The following CHST8 variants were observed in gnomAD, a reference collection of about 807,000 sequenced individuals.
The protein encoded by CHST8 is carbohydrate sulfotransferase 8.
In CHST8, 10 loss-of-function variants were observed where a neutral mutation model predicts 15.0. The observed-to-expected ratio is 0.67, with a 90% CI of 0.41 to 1.13. The LOEUF is 1.13. Among genes scored for constraint, CHST8 ranks in the 50% most tolerant of loss-of-function variants. The pLI is 0.00. For synonymous variants in CHST8, 259 were observed against 256.6 expected (o/e 1.01, Z -0.09); for missense variants, 634 against 608.2 (o/e 1.04, Z -0.45).
chr19:33,632,256 C>T (rs1376197464), intron 1 of CHST8, among the ~76,000 whole-genome samples: 5 of 152,062 alleles, frequency 3.3e-5, no homozygotes, highest in Non-Finnish European at 5.9e-5. Context: ...CCTCCCAGCT[C>T]AGCCTCCCGA....
chr19:33,673,083 G>A (rs373312030), intron 2 of CHST8, among the ~76,000 whole-genome samples: 195 of 152,318 alleles, frequency 1.3e-3, no homozygotes, highest in African/African-American at 4.4e-3. Context: ...GAGTCCAGAT[G>A]TGGAACCTCT....
At chr19:33,693,335 A>G (rs554010694) in intron 3 of CHST8, among the ~76,000 whole-genome samples, 6 of 152,298 alleles carry the variant, frequency 3.9e-5, no homozygotes, top group African/African-American at 1.4e-4. Flanking sequence ...TATATTTCTC[A>G]GTTTAAAAGA....
intron 3 of CHST8, among the ~76,000 whole-genome samples, chr19:33,748,976 GCA>G (rs776621231): frequency 7.9e-5 from 12 of 152,266 alleles, no homozygotes; most frequent in Non-Finnish European, 1.6e-4. Context: ...CCCAACAGGC[GCA>G]CACCCCTGAG....
At chr19:33,764,405 C>T (rs166955) in intron 3 of CHST8, among the ~76,000 whole-genome samples, 55,477 of 152,028 alleles carry the variant, frequency 0.36, 11,920 homozygotes, top group African/African-American at 0.6. Context: ...GAGGCCAAAG[C>T]GGGAGGATCA....
chr19:33,710,986 T>G (rs1231346981), intron 3 of CHST8, among the ~76,000 whole-genome samples: 1 of 150,610 alleles, frequency 6.6e-6, no homozygotes. Context: ...CGATCCTCCC[T>G]CAGCCCCCCA....
intron 3 of CHST8, among the ~76,000 whole-genome samples, chr19:33,760,592 TA>T (rs1202144262): frequency 1.3e-5 from 2 of 151,968 alleles, no homozygotes; most frequent in East Asian, 1.9e-4. Context: ...GCACTGGGAT[TA>T]AAGGTGTAAA....
intron 1 of CHST8, among the ~76,000 whole-genome samples, chr19:33,642,039 G>A (rs986325693): frequency 6.6e-6 from 1 of 152,242 alleles, no homozygotes; most frequent in Admixed American, 6.5e-5. Flanking sequence ...TGGAGGATGA[G>A]GGCCTGGGGC....
chr19:33,626,041 G>A (rs1165156402), intron 1 of CHST8, among the ~76,000 whole-genome samples: 2 of 152,068 alleles, frequency 1.3e-5, no homozygotes, highest in Admixed American at 6.6e-5. Context: ...CAGAGCGGCT[G>A]TGTTCCCTCC....
intron 1 of CHST8, among the ~76,000 whole-genome samples, chr19:33,658,770 T>G (rs1169627804): frequency 6.6e-6 from 1 of 152,204 alleles, no homozygotes; most frequent in African/African-American, 2.4e-5. Context: ...TACATTTTTC[T>G]GGAACATTCT....
At chr19:33,737,098 C>T (rs1231134796) in intron 3 of CHST8, among the ~76,000 whole-genome samples, 1 of 152,222 alleles carries the variant, frequency 6.6e-6, no homozygotes, top group Non-Finnish European at 1.5e-5. Context: ...GAGGGACCCT[C>T]AGTTCCAGGA....
At chr19:33,695,051 G>C (rs1973185271) in intron 3 of CHST8, among the ~76,000 whole-genome samples, 1 of 151,922 alleles carries the variant, frequency 6.6e-6, no homozygotes, top group Admixed American at 6.6e-5. Context: ...GACCTCCTGG[G>C]CTCGAGTGAT....
intron 3 of CHST8, among the ~76,000 whole-genome samples, chr19:33,746,309 T>C (rs1974312228): frequency 6.6e-6 from 1 of 152,112 alleles, no homozygotes; most frequent in Admixed American, 6.6e-5. Flanking sequence ...CGTGAAACAT[T>C]TCCCCCACCC....
intron 3 of CHST8, among the ~76,000 whole-genome samples, chr19:33,729,493 C>T (rs34586740): frequency 0.068 from 10,294 of 152,302 alleles, 494 homozygotes; most frequent in Middle Eastern, 0.14. Context: ...ATGTGTTAGA[C>T]GCTAGCCTCC....
At chr19:33,700,849 C>T (rs1395076906) in intron 3 of CHST8, among the ~76,000 whole-genome samples, 2 of 152,174 alleles carry the variant, frequency 1.3e-5, no homozygotes, top group African/African-American at 4.8e-5. Context: ...GTATGGTTCA[C>T]ATAGATTGCA....
At chr19:33,751,047 G>A (rs1003011581) in intron 3 of CHST8, among the ~76,000 whole-genome samples, 1 of 152,184 alleles carries the variant, frequency 6.6e-6, no homozygotes, top group African/African-American at 2.4e-5. Flanking sequence ...TTTCCTCTTG[G>A]AGTTGGTTTT....
intron 3 of CHST8, among the ~76,000 whole-genome samples, chr19:33,717,243 C>T (rs527534470): frequency 6.6e-6 from 1 of 152,248 alleles, no homozygotes; most frequent in East Asian, 1.9e-4. Flanking sequence ...GGCAGATCAC[C>T]TGAGGTTGGG....
intron 3 of CHST8, among the ~76,000 whole-genome samples, chr19:33,757,428 A>G (rs1441410981): frequency 0.083 from 1,381 of 16,734 alleles, 56 homozygotes; most frequent in Admixed American, 0.097. Flanking sequence ...GAAAGAAAGA[A>G]AGAAAGAAAG....
chr19:33,752,594 G>A lies in CHST8; in HGVS notation c.131-18819G>A, dbSNP rs150066967. Among the ~76,000 whole-genome samples the A allele has an allele frequency of 3.6e-3, 551 of 152,200 alleles. 1 individual carries two copies. Among genetic ancestry groups the A allele is most frequent in the Admixed American group, 7.9e-3 (121 of 15,288 alleles). ...AGTTCCCCGGGGAGTCGCAGAAGTC[G>A]CATCTGACCCTTCCCGCCGCCCCAC... is the stretch of plus-strand genomic sequence containing the variant. On this transcript the variant is annotated intron_variant, in intron 3 of 4. Coordinates refer to ENST00000650847, the MANE Select transcript of CHST8 (RefSeq NM_001127895.2).
intron 3 of CHST8, among the ~76,000 whole-genome samples, chr19:33,728,986 CAAG>C (rs1973950167): frequency 1.3e-5 from 2 of 152,300 alleles, no homozygotes; most frequent in African/African-American, 4.8e-5. Context: ...TTGGAATAAG[CAAG>C]AAGAGCATCT....
Sources: allele counts gnomAD v4.1 joint callset (sites outside exome capture counted in the v4.1 genomes callset), GRCh38; gene constraint gnomAD v4.1.1; transcripts MANE v1.5; gene names NCBI Gene and HGNC (gene_info 2026-07-23, HGNC 2026-07-21).